Variants in SH3GL1 observed in about 807,000 individuals in gnomAD.
SH3GL1 encodes the protein SH3 domain containing GRB2 like 1, endophilin A2.
Under a neutral mutation model 48.8 loss-of-function variants are expected in SH3GL1, and 21 were observed. The ratio of observed to expected loss-of-function variants is 0.43; its 90% CI spans 0.30 to 0.62. The LOEUF (loss-of-function observed/expected upper bound fraction) is 0.62, where lower values mean the gene tolerates loss of function less well. Ranked by LOEUF, SH3GL1 falls within the 20% of genes least tolerant of loss-of-function variation. The pLI, the probability that SH3GL1 is intolerant of heterozygous loss-of-function variation, is 0.11. For synonymous variants in SH3GL1, 282 were observed against 217.5 expected (o/e 1.30, Z -2.61); for missense variants, 454 against 503.0 (o/e 0.90, Z 0.93).
intron 1 of SH3GL1, among the ~76,000 whole-genome samples, chr19:4,386,476 CT>C (rs369353160): frequency 0.14 from 17,673 of 126,924 alleles, 1,309 homozygotes; most frequent in Non-Finnish European, 0.2. Flanking sequence ...TTTGGGAACT[CT>C]TTTTTTTTTT....
At chr19:4,362,275 C>G (rs1448419491) in intron 9 of SH3GL1, 54 bp downstream of exon 9, 1 of 1,556,982 alleles carries the variant, frequency 6.4e-7, no homozygotes, top group Non-Finnish European at 8.8e-7. Context: ...AAACACCCTC[C>G]CCGAATGGCC....
At chr19:4,394,672 C>T (rs1317835420) in intron 1 of SH3GL1, among the ~76,000 whole-genome samples, 1 of 152,198 alleles carries the variant, frequency 6.6e-6, no homozygotes, top group Non-Finnish European at 1.5e-5. Flanking sequence ...AACACAGCCT[C>T]GCCTGTTAGA....
At chr19:4,386,476 CTTT>C (rs369353160) in intron 1 of SH3GL1, among the ~76,000 whole-genome samples, 1 of 127,176 alleles carries the variant, frequency 7.9e-6, no homozygotes, top group Non-Finnish European at 1.7e-5. Context: ...TTTGGGAACT[CTTT>C]TTTTTTTTTA....
At position 4,361,417 on chromosome 19, in the gene SH3GL1, C is replaced by T. The variant is rs2144851972; in HGVS notation, c.*183G>A. On this transcript the variant is annotated 3_prime_UTR_variant, in exon 10 of 10. Transcript: ENST00000269886. ...TAGTGTAAACAGGCATCCCCACCCA[C>T]CCAGATAAGCCCCCCCACCCAAGTG... is the stretch of plus-strand genomic sequence containing the variant. 3.4e-6 allele frequency: 2 copies of T among 594,876 alleles called. No individual in the cohort carries two copies. Among genetic ancestry groups the T allele is most frequent in the South Asian group, 2.0e-5 (1 of 49,406 alleles). The allele number at this position is 594,876 out of a possible 1,614,324, so 36.8% of individuals were successfully genotyped here. A position where few individuals can be genotyped will look rare whatever the true frequency, so the allele number is the denominator to read the frequency against.
intron 1 of SH3GL1, among the ~76,000 whole-genome samples, chr19:4,388,953 T>C (rs1973285509): frequency 6.6e-6 from 1 of 152,196 alleles, no homozygotes; most frequent in African/African-American, 2.4e-5. Context: ...CAGTCGGACC[T>C]GTTCCCAACC....
intron 4 of SH3GL1, among the ~76,000 whole-genome samples, chr19:4,364,894 GTGTGTATA>G (rs1277459398): frequency 3.5e-5 from 4 of 113,176 alleles, no homozygotes; most frequent in African/African-American, 1.5e-4. Context: ...GTGTGTGTGT[GTGTGTATA>G]TATATATATA....
In SH3GL1 at chr19:4,363,441, C is replaced by G. The variant is rs762165604; in HGVS notation, c.657G>C (p.Val219=). The change falls in exon 7 of 10, where the codon GTG becomes GTC. Residue 219 remains valine, a synonymous_variant. Transcript: ENST00000269886. ...GCCGGTGGTAGTCCAGCTGTGCATC[C>G]ACCAGGGCCGAGAGCTGACTCACCT... ...IEQVSQLSAL[V]DAQLDYHRQA... 3.1e-6 allele frequency: 5 copies of G among 1,612,852 alleles called. No homozygotes were observed. In the Admixed American group the frequency reaches 6.7e-5, roughly 22 times the overall value.
At chr19:4,370,850 G>A (rs1440394536) in intron 1 of SH3GL1, among the ~76,000 whole-genome samples, 2 of 152,252 alleles carry the variant, frequency 1.3e-5, no homozygotes, top group African/African-American at 4.8e-5. Flanking sequence ...CCTGGCAGTG[G>A]CCTCTGGGAA....
chr19:4,392,135 C>G (rs1973349079), intron 1 of SH3GL1, among the ~76,000 whole-genome samples: 1 of 152,208 alleles, frequency 6.6e-6, no homozygotes, highest in East Asian at 1.9e-4. Context: ...CGGCCCTTAC[C>G]AGCCCACACA....
chr19:4,394,277 A>G (rs1416904847), intron 1 of SH3GL1, among the ~76,000 whole-genome samples: 1 of 152,098 alleles, frequency 6.6e-6, no homozygotes, highest in Non-Finnish European at 1.5e-5. Context: ...AACCCCCAGC[A>G]CACCAAGGGA....
intron 1 of SH3GL1, among the ~76,000 whole-genome samples, chr19:4,388,862 T>C (rs1973283660): frequency 6.6e-6 from 1 of 152,094 alleles, no homozygotes; most frequent in Non-Finnish European, 1.5e-5. Context: ...CAAGTTCAGG[T>C]GACTGTCAGC....
intron 1 of SH3GL1, among the ~76,000 whole-genome samples, chr19:4,370,910 GC>G (rs1171846234): frequency 9.2e-5 from 14 of 152,376 alleles, no homozygotes; most frequent in African/African-American, 3.1e-4. Flanking sequence ...GGCAAGACTG[GC>G]TTGTGGTCTT....
At position 4,361,675 on chromosome 19, in the gene SH3GL1, G is replaced by A. The variant is rs148995311; in HGVS notation, c.1032C>T (p.Tyr344=). 236 of 1,612,738 alleles carry A rather than the reference G, an allele frequency of 1.5e-4. No homozygotes were observed. The African/African-American group carries it at 2.6e-3, about 18-fold the overall frequency. The part of the protein sequence containing the change: ...TLTNQIDENW[Y]EGMLDGQSGF... Reference sequence around the variant, plus strand: ...CCGACTGGCCGTCCAGCATGCCCTCGTACCAGTTCTCATCGATCTGGTTGG... The same window carrying A: ...CCGACTGGCCGTCCAGCATGCCCTCATACCAGTTCTCATCGATCTGGTTGG... Residue 344 remains tyrosine, a synonymous_variant, in exon 10 of 10, where the codon TAC becomes TAT. Coordinates refer to ENST00000269886, the MANE Select transcript of SH3GL1 (RefSeq NM_003025.4).
At position 4,374,094 on chromosome 19, in the gene SH3GL1, A is replaced by G. The variant is rs1972958249; in HGVS notation, c.46-7100T>C. ...GCGAGCCGATGTCATTTGAAGTCACAGCACATGAAAATGAGGGGGAGAAAA... is the reference window on the plus strand; with the variant it reads ...GCGAGCCGATGTCATTTGAAGTCACGGCACATGAAAATGAGGGGGAGAAAA... On this transcript the variant is annotated intron_variant, in intron 1 of 9. Coordinates refer to ENST00000269886, the MANE Select transcript of SH3GL1 (RefSeq NM_003025.4). Among the ~76,000 whole-genome samples, 2 of 152,232 alleles carry G rather than the reference A, an allele frequency of 1.3e-5. 1 individual carries two copies. Among genetic ancestry groups the G allele is most frequent in the South Asian group, 4.1e-4 (2 of 4,836 alleles).
In SH3GL1 at chr19:4,365,365, G is replaced by A; in HGVS notation, c.331+117C>T. ...CCTGCACCTCTGCAGCTGGAAAGCT[G>A]TGGGGGCCACTGTACGTCCCCGGCA... is the stretch of plus-strand genomic sequence containing the variant. On this transcript the variant is annotated intron_variant, in intron 4 of 9. Transcript: ENST00000269886. 5 of 1,381,846 alleles carry A rather than the reference G, an allele frequency of 3.6e-6. No homozygotes were observed. In the South Asian group the frequency reaches 5.8e-5, roughly 16 times the overall value. 85.6% of individuals were successfully genotyped at this position (1,381,846 alleles called of 1,614,324 possible). A position where few individuals can be genotyped will look rare whatever the true frequency, so the allele number is the denominator to read the frequency against.
chr19:4,387,015 C>G (rs1204632044), intron 1 of SH3GL1, among the ~76,000 whole-genome samples: 4 of 152,112 alleles, frequency 2.6e-5, no homozygotes, highest in Non-Finnish European at 5.9e-5. Context: ...TGGCTCACTG[C>G]AAGCTCTGCC....
chr19:4,363,887 G>A lies in SH3GL1; in HGVS notation c.466-9C>T, dbSNP rs200871546. On this transcript the variant is annotated splice_polypyrimidine_tract_variant and intron_variant, in intron 5 of 9. Transcript: ENST00000269886. ...AGTTTCTTCAGGTGGTGCTGGAGACGTGGGGGACATGGGTCACACCAGTAG... is the reference window on the plus strand; with the variant it reads ...AGTTTCTTCAGGTGGTGCTGGAGACATGGGGGACATGGGTCACACCAGTAG... 1,121 of 1,611,874 alleles carry A rather than the reference G, an allele frequency of 7.0e-4. 6 individuals are homozygous for A. The highest frequency in any genetic ancestry group is 3.8e-3 in the African/African-American group (283 of 74,988).
intron 1 of SH3GL1, among the ~76,000 whole-genome samples, chr19:4,393,208 G>A (rs1973367909): frequency 6.6e-6 from 1 of 151,892 alleles, no homozygotes; most frequent in South Asian, 2.1e-4. Context: ...TTGCAGTGAG[G>A]TGAGATTGCG....
At chr19:4,393,649 G>T (rs1476822531) in intron 1 of SH3GL1, among the ~76,000 whole-genome samples, 1 of 151,914 alleles carries the variant, frequency 6.6e-6, no homozygotes, top group Non-Finnish European at 1.5e-5. Context: ...AATGAGCTGG[G>T]CGTGGTGGTA....
Sources: gnomAD v4.1 joint callset for allele counts (sites outside exome capture counted in the v4.1 genomes callset) on GRCh38, gnomAD v4.1.1 for gene constraint, MANE v1.5 for transcripts, NCBI Gene and HGNC (gene_info 2026-07-23, HGNC 2026-07-21) for gene names.